Variants in PARP16 observed in about 807,000 individuals in gnomAD.
PARP16 encodes the protein protein mono-ADP-ribosyltransferase PARP16.
In PARP16, 31 loss-of-function variants were observed where a neutral mutation model predicts 35.0. That is an observed-to-expected ratio of 0.88 (90% CI 0.66 to 1.19). PARP16 has a LOEUF of 1.19. Among genes scored for constraint, PARP16 ranks in the 50% most tolerant of loss-of-function variants. The pLI, the probability that PARP16 is intolerant of heterozygous loss-of-function variation, is 0.00. For synonymous variants in PARP16, 162 were observed against 169.5 expected, an observed-to-expected ratio of 0.96 and a Z score of 0.34; for missense variants, 424 against 411.2, an observed-to-expected ratio of 1.03 and a Z score of -0.27.
At chr15:65,256,432 G>A (rs1297265411), downstream of PARP16, among the ~76,000 whole-genome samples, 1 of 139,028 alleles carries the variant, frequency 7.2e-6, no homozygotes, top group African/African-American at 2.6e-5. Flanking sequence ...TTTTGAGATG[G>A]AGTCTCGCTC....
intron 2 of PARP16, among the ~76,000 whole-genome samples, chr15:65,268,385 A>G (rs2089975098): frequency 6.6e-6 from 1 of 152,016 alleles, no homozygotes; most frequent in South Asian, 2.1e-4. Flanking sequence ...ACCCTAGCTC[A>G]TCCAGCCAAG....
intron 4 of PARP16, among the ~76,000 whole-genome samples, chr15:65,261,777 A>G (rs1009813397): frequency 2.0e-5 from 3 of 152,060 alleles, no homozygotes; most frequent in African/African-American, 7.2e-5. Context: ...ATTTTAAATG[A>G]ACCACTCTGG....
intron 3 of PARP16, among the ~76,000 whole-genome samples, chr15:65,246,449 T>A (rs1380764758): frequency 6.6e-6 from 1 of 152,184 alleles, no homozygotes; most frequent in African/African-American, 2.4e-5. Flanking sequence ...AGCAGAGCGA[T>A]GCGCTCCCAG....
chr15:65,285,421 G>A (rs1390808353), intron 1 of PARP16: 3 of 245,146 alleles, frequency 1.2e-5, no homozygotes, highest in Admixed American at 4.4e-5. Context: ...TTACAAGCAT[G>A]AGCCACCGAG....
chr15:65,285,597 T>C (rs1029990302), intron 1 of PARP16: 14 of 272,258 alleles, frequency 5.1e-5, no homozygotes, highest in Non-Finnish European at 9.7e-5. Flanking sequence ...TGGAGTTCAG[T>C]GTCTTTAATG....
chr15:65,280,125 C>T (rs183106795), intron 1 of PARP16, among the ~76,000 whole-genome samples: 2 of 152,018 alleles, frequency 1.3e-5, no homozygotes, highest in East Asian at 3.9e-4. Flanking sequence ...AAATAAGCAT[C>T]GAAAGCCTTC....
chr15:65,281,002 C>T (rs2140971516), intron 1 of PARP16, among the ~76,000 whole-genome samples: 1 of 152,274 alleles, frequency 6.6e-6, no homozygotes, highest in South Asian at 2.1e-4. Flanking sequence ...CTAATGAGCA[C>T]CCAGGTGAGG....
chr15:65,249,266 C>T (rs559495274), intron 2 of PARP16, among the ~76,000 whole-genome samples: 1 of 152,202 alleles, frequency 6.6e-6, no homozygotes, highest in East Asian at 1.9e-4. Flanking sequence ...TTGAGTGTGA[C>T]GACTTCAGAT....
chr15:65,266,723 G>A lies in PARP16; in HGVS notation c.358C>T (p.Pro120Ser). The A allele has an allele frequency of 1.2e-6, 2 of 1,614,118 alleles. No individual in the cohort carries two copies. Among genetic ancestry groups the A allele is most frequent in the Non-Finnish European group, 1.7e-6 (2 of 1,180,006 alleles). ...ATTTCAAACAGGAAGTCCGGTGCAG[G>A]AACAGGCGTGTGAGGAGCCCCAGTC... ...KLTGAPHTPV[P>S]APDFLFEIEY... Residue 120 changes from proline (P) to serine (S), a missense_variant, in exon 3 of 6, where the codon CCT becomes TCT. Coordinates refer to ENST00000649807, the MANE Select transcript of PARP16 (RefSeq NM_001316943.2).
At chr15:65,276,181 C>G (rs2090248418) in intron 1 of PARP16, among the ~76,000 whole-genome samples, 1 of 152,190 alleles carries the variant, frequency 6.6e-6, no homozygotes, top group African/African-American at 2.4e-5. Context: ...TCCCATTTCA[C>G]TTTGCGTGTT....
intron 3 of PARP16, among the ~76,000 whole-genome samples, chr15:65,266,053 C>T (rs1056695309): frequency 9.9e-5 from 15 of 152,130 alleles, no homozygotes; most frequent in African/African-American, 3.1e-4. Flanking sequence ...CTCAGCCTCC[C>T]GAGTAGCTGG....
chr15:65,253,928 C>T (rs2089431032), downstream of PARP16, among the ~76,000 whole-genome samples: 1 of 152,138 alleles, frequency 6.6e-6, no homozygotes, highest in Non-Finnish European at 1.5e-5. Flanking sequence ...ACCGATTCTC[C>T]TGCCTCAGCC....
intron 1 of PARP16, among the ~76,000 whole-genome samples, chr15:65,278,399 A>C (rs138472613): frequency 8.9e-4 from 135 of 152,372 alleles, no homozygotes; most frequent in Middle Eastern, 3.4e-3. Flanking sequence ...CACAGGCAAC[A>C]CATCTGCAGC....
At chr15:65,256,640 G>GTCGT (rs1372922321), downstream of PARP16, among the ~76,000 whole-genome samples, 3 of 151,816 alleles carry the variant, frequency 2.0e-5, no homozygotes. Context: ...ATCTCCTGAC[G>GTCGT]TCGTGATCCT....
chr15:65,273,762 G>T (rs2090162224), intron 1 of PARP16, among the ~76,000 whole-genome samples: 1 of 151,860 alleles, frequency 6.6e-6, no homozygotes, highest in Admixed American at 6.6e-5. Flanking sequence ...TGTAATTCCA[G>T]CTACTCGGGA....
At position 65,269,204 on chromosome 15, in the gene PARP16, C is replaced by CTTTCTTTCTTTCTTTCTTTCT. The variant is rs1056207683; in HGVS notation, c.312+1730_312+1731insAGAAAGAAAGAAAGAAAGAAA. Among the ~76,000 whole-genome samples the CTTTCTTTCTTTCTTTCTTTCT allele has an allele frequency of 3.4e-4, 35 of 103,528 alleles. No individual in the cohort carries two copies. In the East Asian group the frequency reaches 7.3e-3, roughly 22 times the overall value. The allele number at this position is 103,528 out of a possible 152,430, so 67.9% of individuals were successfully genotyped here. ...TCTTTCTTTCTTTCTTTCTTTCTTT[C>CTTTCTTTCTTTCTTTCTTTCT]TTTTTTTTTTGAGATACAGTCTTGC... On this transcript the variant is annotated intron_variant, in intron 2 of 5. Transcript: ENST00000649807.
At position 65,269,341 on chromosome 15, in the gene PARP16, C is replaced by A. The variant is rs149621138; in HGVS notation, c.312+1594G>T. Among the ~76,000 whole-genome samples the A allele has an allele frequency of 1.1e-3, 163 of 152,190 alleles. 2 individuals carry two copies. Among genetic ancestry groups the A allele is most frequent in the East Asian group, 8.9e-3 (46 of 5,172 alleles). On this transcript the variant is annotated intron_variant, in intron 2 of 5. Coordinates refer to ENST00000649807, the MANE Select transcript of PARP16 (RefSeq NM_001316943.2). ...CCTCCCACGTAGCTGGGATTACAGG[C>A]TCCCGCCACCATGCCCAGCTAAGTT...
chr15:65,263,165 G>A lies in PARP16; in HGVS notation c.675C>T (p.Cys225=). Residue 225 remains cysteine (C), a synonymous_variant, in exon 4 of 6, where the codon TGC becomes TGT. Coordinates refer to ENST00000649807, the MANE Select transcript of PARP16 (RefSeq NM_001316943.2). ...CTCACTCACCCTTCTTCTTGGTTTGGCACTTGACGTCCGGATGGTCAATGA... is the reference window on the plus strand; with the variant it reads ...CTCACTCACCCTTCTTCTTGGTTTGACACTTGACGTCCGGATGGTCAATGA... ...CEVIDHPDVK[C]QTKKKDSKEI... 1 of 1,613,910 alleles carries A rather than the reference G, an allele frequency of 6.2e-7. No individual in the cohort carries two copies.
chr15:65,279,876 A>C (rs1358863862), intron 1 of PARP16, among the ~76,000 whole-genome samples: 1 of 151,802 alleles, frequency 6.6e-6, no homozygotes, highest in Non-Finnish European at 1.5e-5. Flanking sequence ...TGGGGCTCAG[A>C]CGTCAGGGTT....
Sources: gnomAD v4.1 joint callset for allele counts (sites outside exome capture counted in the v4.1 genomes callset) on GRCh38, gnomAD v4.1.1 for gene constraint, MANE v1.5 for transcripts, NCBI Gene and HGNC (gene_info 2026-07-23, HGNC 2026-07-21) for gene names.